Variants in ANO2 observed in about 807,000 individuals in gnomAD.
ANO2 encodes anoctamin 2.
Under a neutral mutation model 124.2 loss-of-function variants are expected in ANO2, and 101 were observed. The ratio of observed to expected loss-of-function variants is 0.81; its 90% CI spans 0.69 to 0.96. The LOEUF is 0.96. Ranked by LOEUF, ANO2 falls within the 40% of genes least tolerant of loss-of-function variation. The probability of loss-of-function intolerance (pLI) is 0.00; values close to 1 mark genes in which losing one functional copy is unlikely to be tolerated. For synonymous variants in ANO2, 486 were observed against 482.5 expected (o/e 1.01, Z -0.09); for missense variants, 1,293 against 1,274.5 (o/e 1.01, Z -0.22).
intron 22 of ANO2, among the ~76,000 whole-genome samples, chr12:5,577,294 T>C (rs934340459): frequency 1.3e-5 from 2 of 152,244 alleles, no homozygotes; most frequent in African/African-American, 2.4e-5. Flanking sequence ...AAAAGGGCTG[T>C]GGCTTTCTTT....
At chr12:5,610,972 C>CTTTT (rs34792083) in intron 19 of ANO2, among the ~76,000 whole-genome samples, 1 of 113,638 alleles carries the variant, frequency 8.8e-6, no homozygotes, top group African/African-American at 3.2e-5. Flanking sequence ...AACTTCTCTG[C>CTTTT]TTTTTTTTTT....
At chr12:5,762,422 GT>G (rs1449162547) in intron 10 of ANO2, among the ~76,000 whole-genome samples, 1 of 151,834 alleles carries the variant, frequency 6.6e-6, no homozygotes, top group African/African-American at 2.4e-5. Context: ...TACCTCTTAG[GT>G]TTTCACTAGA....
intron 10 of ANO2, among the ~76,000 whole-genome samples, chr12:5,799,099 T>C (rs528876938): frequency 1.3e-5 from 2 of 152,374 alleles, no homozygotes; most frequent in South Asian, 4.1e-4. Flanking sequence ...ATATTCCTCA[T>C]GTGATTTGCT....
intron 4 of ANO2, among the ~76,000 whole-genome samples, chr12:5,846,309 T>C (rs140034594): frequency 1.4e-3 from 206 of 152,336 alleles, no homozygotes; most frequent in African/African-American, 4.6e-3. Context: ...AAAGTCATCA[T>C]AGACATGCCA....
At chr12:5,585,410 A>G (rs1044592682) in intron 20 of ANO2, among the ~76,000 whole-genome samples, 1 of 152,170 alleles carries the variant, frequency 6.6e-6, no homozygotes, top group African/African-American at 2.4e-5. Context: ...AGTTTACTGC[A>G]TGCAAAGCAA....
intron 10 of ANO2, among the ~76,000 whole-genome samples, chr12:5,797,572 G>GA (rs1399367185): frequency 5.9e-5 from 9 of 152,130 alleles, no homozygotes; most frequent in Non-Finnish European, 7.3e-5. Flanking sequence ...TGACCCTAGT[G>GA]CTCCCCACCA....
chr12:5,646,334 T>C (rs964752083), intron 15 of ANO2, among the ~76,000 whole-genome samples: 5 of 152,182 alleles, frequency 3.3e-5, no homozygotes, highest in Non-Finnish European at 5.9e-5. Flanking sequence ...TTTGAGAAGA[T>C]TGAAAAATAC....
At chr12:5,905,907 C>T (rs1265010598) in intron 3 of ANO2, among the ~76,000 whole-genome samples, 3 of 152,176 alleles carry the variant, frequency 2.0e-5, no homozygotes, top group African/African-American at 4.8e-5. Context: ...CTACAGGTCT[C>T]CTCTCTCTCA....
intron 10 of ANO2, among the ~76,000 whole-genome samples, chr12:5,790,904 A>G (rs901697012): frequency 6.6e-5 from 10 of 152,152 alleles, no homozygotes; most frequent in African/African-American, 2.4e-4. Context: ...AATATCTGAT[A>G]GGGTGGATTT....
chr12:5,888,398 G>T (rs6489670), intron 3 of ANO2, among the ~76,000 whole-genome samples: 2 of 152,038 alleles, frequency 1.3e-5, no homozygotes, highest in African/African-American at 4.8e-5. Context: ...GGAAGGGGAC[G>T]CCAGCGGATT....
intron 19 of ANO2, chr12:5,609,021 G>A (rs1427260744): frequency 1.3e-5 from 2 of 152,206 alleles, no homozygotes; most frequent in Non-Finnish European, 2.9e-5. Flanking sequence ...AGCAGTTGTG[G>A]AGGAGCTGGC....
At chr12:5,896,248 G>C (rs563778256) in intron 3 of ANO2, among the ~76,000 whole-genome samples, 8 of 152,102 alleles carry the variant, frequency 5.3e-5, no homozygotes, top group Admixed American at 1.3e-4. Flanking sequence ...AAAACCACCT[G>C]TACCACCAAA....
intron 21 of ANO2, 98 bp downstream of exon 21, chr12:5,578,268 T>C: frequency 6.7e-7 from 1 of 1,490,064 alleles, no homozygotes; most frequent in Non-Finnish European, 9.1e-7. Flanking sequence ...AGAGGGGCTT[T>C]CCCAGCCCTC....
At chr12:5,664,731 C>T (rs1408385860) in intron 14 of ANO2, among the ~76,000 whole-genome samples, 1 of 152,184 alleles carries the variant, frequency 6.6e-6, no homozygotes, top group Non-Finnish European at 1.5e-5. Flanking sequence ...TGTTCTCCCC[C>T]ATACTGAAAA....
chr12:5,923,192 A>ACATG lies in ANO2; in HGVS notation c.23-389_23-388insCATG, dbSNP rs1941880762. On this transcript the variant is annotated intron_variant, in intron 1 of 24. Transcript: ENST00000682330. ...CACACACGCACACACACATACACACACACGCACGCACACACACCCACATAC... is the reference window on the plus strand; with the variant it reads ...CACACACGCACACACACATACACACACATGCACGCACGCACACACACCCACATAC... 1.9e-4 allele frequency among the ~76,000 whole-genome samples: 24 copies of ACATG among 125,652 alleles called. 3 individuals carry two copies. The highest frequency in any genetic ancestry group is 4.0e-4 in the Non-Finnish European group (22 of 55,370). 82.4% of individuals were successfully genotyped at this position (125,652 alleles called of 152,430 possible). A position where few individuals can be genotyped will look rare whatever the true frequency, so the allele number is the denominator to read the frequency against.
chr12:5,796,739 G>C (rs1952874584), intron 10 of ANO2, among the ~76,000 whole-genome samples: 1 of 152,196 alleles, frequency 6.6e-6, no homozygotes, highest in Non-Finnish European at 1.5e-5. Flanking sequence ...AGGGTGTCTT[G>C]CCTCCCCTCT....
intron 16 of ANO2, among the ~76,000 whole-genome samples, chr12:5,634,371 G>A (rs545683885): frequency 3.9e-5 from 6 of 152,258 alleles, no homozygotes; most frequent in Non-Finnish European, 5.9e-5. Flanking sequence ...TGCAACCTCC[G>A]TATGAGGTTA....
intron 14 of ANO2, among the ~76,000 whole-genome samples, chr12:5,650,199 A>G (rs548274595): frequency 6.6e-6 from 1 of 152,294 alleles, no homozygotes; most frequent in African/African-American, 2.4e-5. Context: ...TCTGCCCAGG[A>G]GGAGCTCAGA....
chr12:5,897,682 G>T (rs924281267), intron 3 of ANO2, among the ~76,000 whole-genome samples: 1 of 151,222 alleles, frequency 6.6e-6, no homozygotes, highest in African/African-American at 2.4e-5. Context: ...GGGTTAATGG[G>T]ATATCAAAGT....
Sources: allele counts gnomAD v4.1 joint callset (sites outside exome capture counted in the v4.1 genomes callset), GRCh38; gene constraint gnomAD v4.1.1; transcripts MANE v1.5; gene names NCBI Gene and HGNC (gene_info 2026-07-23, HGNC 2026-07-21).